Variants in PDE11A observed in about 807,000 individuals in gnomAD.
PDE11A encodes the protein phosphodiesterase 11A, also known as dual 3',5'-cyclic-AMP and -GMP phosphodiesterase 11A.
Under a neutral mutation model 100.5 loss-of-function variants are expected in PDE11A, and 100 were observed. That is an observed-to-expected ratio of 1.00 (90% confidence interval 0.85 to 1.18). The LOEUF (loss-of-function observed/expected upper bound fraction) is 1.18, where lower values mean the gene tolerates loss of function less well. Among genes scored for constraint, PDE11A ranks in the 50% most tolerant of loss-of-function variants. PDE11A has a pLI of 0.00. For missense variants in PDE11A, 1,141 were observed against 1,152.6 expected (o/e 0.99, Z 0.15); for synonymous variants, 381 against 420.8 (o/e 0.91, Z 1.16).
chr2:177,896,177 C>T (rs1269794595), intron 4 of PDE11A, among the ~76,000 whole-genome samples: 1 of 152,056 alleles, frequency 6.6e-6, no homozygotes, highest in Non-Finnish European at 1.5e-5. Context: ...TCGTTTGTAC[C>T]ATCTACTCTA....
intron 2 of PDE11A, among the ~76,000 whole-genome samples, chr2:178,096,312 C>T (rs1339698266): frequency 6.7e-6 from 1 of 150,134 alleles, no homozygotes; most frequent in African/African-American, 2.5e-5. Flanking sequence ...TACAGGCACC[C>T]ACCATCAAGC....
intron 19 of PDE11A, among the ~76,000 whole-genome samples, chr2:177,635,131 T>C (rs768706238): frequency 3.3e-5 from 5 of 152,214 alleles, no homozygotes; most frequent in African/African-American, 1.2e-4. Flanking sequence ...CATTTAGTTT[T>C]TGATTGTTCT....
At chr2:177,750,700 G>A (rs2082013362) in intron 10 of PDE11A, among the ~76,000 whole-genome samples, 1 of 152,220 alleles carries the variant, frequency 6.6e-6, no homozygotes, top group Non-Finnish European at 1.5e-5. Context: ...GAGGCACAAT[G>A]CCCACAAGGG....
rs369065153 is a variant in PDE11A at position 177,814,970 on chromosome 2, T to C, written c.1737+1859A>G. On this transcript the variant is annotated intron_variant, in intron 9 of 19. Transcript: ENST00000286063. ...AGGACGACGATGTGCCAGAGGTAGA[T>C]GAGAAGTGAGAATATGGGCATATGT... Among the ~76,000 whole-genome samples the C allele has an allele frequency of 2.1e-4, 32 of 152,300 alleles. No homozygotes were observed. The East Asian group carries it at 5.0e-3, about 24-fold the overall frequency.
intron 14 of PDE11A, among the ~76,000 whole-genome samples, chr2:177,698,035 A>G (rs540311077): frequency 1.3e-5 from 2 of 152,216 alleles, no homozygotes; most frequent in African/African-American, 2.4e-5. Context: ...TACACATCCC[A>G]TGATGCACAG....
chr2:177,715,770 C>T (rs565517710), intron 12 of PDE11A, among the ~76,000 whole-genome samples: 48 of 152,180 alleles, frequency 3.2e-4, no homozygotes, highest in African/African-American at 1.1e-3. Context: ...TTCTGTTCCC[C>T]GTATTGCCTT....
chr2:177,705,828 C>T (rs1003515648), intron 13 of PDE11A, among the ~76,000 whole-genome samples: 2 of 152,114 alleles, frequency 1.3e-5, no homozygotes, highest in Non-Finnish European at 2.9e-5. Context: ...TGGCCGAAAG[C>T]GACAAGATGG....
intron 19 of PDE11A, among the ~76,000 whole-genome samples, chr2:177,643,988 T>C (rs1367664370): frequency 6.6e-6 from 1 of 152,214 alleles, no homozygotes; most frequent in Non-Finnish European, 1.5e-5. Context: ...GCCTAGGTTT[T>C]AGAGGATGTA....
At chr2:177,637,993 ATATATTTT>A (rs2080072490) in intron 19 of PDE11A, among the ~76,000 whole-genome samples, 2 of 49,338 alleles carry the variant, frequency 4.1e-5, no homozygotes, top group Non-Finnish European at 8.4e-5. Context: ...ATATATATAT[ATATATTTT>A]TTTTTTTTTT....
chr2:177,744,408 G>T (rs2164857), intron 10 of PDE11A, among the ~76,000 whole-genome samples: 102,448 of 151,306 alleles, frequency 0.68, 37,422 homozygotes, highest in East Asian at 0.86. Flanking sequence ...GACTTCTTTC[G>T]GATTCCTTTT....
intron 5 of PDE11A, among the ~76,000 whole-genome samples, chr2:177,853,372 A>G (rs749187904): frequency 1.3e-5 from 2 of 151,900 alleles, no homozygotes; most frequent in Non-Finnish European, 2.9e-5. Flanking sequence ...AATTAAAAAC[A>G]CCAAGGTGAG....
At chr2:177,729,800 G>A (rs573994630) in intron 10 of PDE11A, among the ~76,000 whole-genome samples, 2 of 152,162 alleles carry the variant, frequency 1.3e-5, no homozygotes, top group East Asian at 3.9e-4. Context: ...GCCTTGGTGT[G>A]AGTTTATTTT....
intron 10 of PDE11A, among the ~76,000 whole-genome samples, chr2:177,763,790 G>A (rs145203406): frequency 1.4e-3 from 216 of 152,338 alleles, no homozygotes; most frequent in African/African-American, 5.0e-3. Context: ...CCAGGGCTTC[G>A]GAAATTGATT....
chr2:177,963,936 G>A lies in PDE11A; in HGVS notation c.1071+50366C>T, dbSNP rs184525496. On this transcript the variant is annotated intron_variant, in intron 2 of 19. Transcript: ENST00000286063. ...GCATGCCCTCCACTGAACTGTCATC[G>A]TGAGTGGATTCTGCAAGGGAGGCCC... is the stretch of plus-strand genomic sequence containing the variant. Among the ~76,000 whole-genome samples, 9 of 152,272 alleles carry A rather than the reference G, an allele frequency of 5.9e-5. No homozygotes were observed. The East Asian group carries it at 1.5e-3, about 26-fold the overall frequency.
At chr2:177,860,852 A>C (rs2083933012) in intron 5 of PDE11A, among the ~76,000 whole-genome samples, 1 of 151,864 alleles carries the variant, frequency 6.6e-6, no homozygotes, top group Non-Finnish European at 1.5e-5. Context: ...TGATTATCTC[A>C]ATAGGCAAAA....
intron 1 of PDE11A, chr2:178,018,440 C>T: frequency 1.9e-6 from 1 of 514,354 alleles, no homozygotes; most frequent in Non-Finnish European, 3.9e-6. Context: ...ATCTGGAAAG[C>T]TGTTGCCATG....
At chr2:177,857,587 G>A (rs992324964) in intron 5 of PDE11A, among the ~76,000 whole-genome samples, 2 of 151,874 alleles carry the variant, frequency 1.3e-5, no homozygotes, top group Admixed American at 1.3e-4. Flanking sequence ...TGTATACTAT[G>A]GATACAAAAG....
At chr2:177,962,867 T>A (rs978454011) in intron 2 of PDE11A, among the ~76,000 whole-genome samples, 1 of 152,130 alleles carries the variant, frequency 6.6e-6, no homozygotes, top group African/African-American at 2.4e-5. Context: ...AAAAAAAATC[T>A]CATAAATTTT....
chr2:178,001,275 AGT>A (rs57136586), intron 2 of PDE11A, among the ~76,000 whole-genome samples: 16,671 of 140,570 alleles, frequency 0.12, 1,045 homozygotes, highest in East Asian at 0.2. Flanking sequence ...ACAATGTGAA[AGT>A]GTGTGTGTGT....
Sources: gnomAD v4.1 joint callset for allele counts (sites outside exome capture counted in the v4.1 genomes callset) on GRCh38, gnomAD v4.1.1 for gene constraint, MANE v1.5 for transcripts, NCBI Gene and HGNC (gene_info 2026-07-23, HGNC 2026-07-21) for gene names.